The following VDAC2 variants were observed in gnomAD, a reference collection of about 807,000 sequenced individuals.
VDAC2 encodes the protein non-selective voltage-gated ion channel VDAC2.
A neutral mutation model predicts 36.6 loss-of-function variants in VDAC2; 6 were observed. The ratio of observed to expected loss-of-function variants is 0.16; its 90% CI spans 0.09 to 0.32. The LOEUF (loss-of-function observed/expected upper bound fraction) is 0.32. Ranked by LOEUF, VDAC2 falls within the 10% of genes least tolerant of loss-of-function variation. The probability of loss-of-function intolerance (pLI) is 1.00; values close to 1 mark genes in which losing one functional copy is unlikely to be tolerated. For missense variants in VDAC2, 247 were observed against 346.0 expected (o/e 0.71, Z 2.27); for synonymous variants, 109 against 123.8 (o/e 0.88, Z 0.79).
chr10:75,215,721 GTT>G (rs796837971), intron 4 of VDAC2, among the ~76,000 whole-genome samples: 1 of 135,860 alleles, frequency 7.4e-6, no homozygotes. Context: ...TTTTTGTTTT[GTT>G]TTTTTTTTTT....
intron 8 of VDAC2, among the ~76,000 whole-genome samples, 158 bp downstream of exon 8, chr10:75,222,560 G>A (rs1841844416): frequency 6.6e-6 from 1 of 152,214 alleles, no homozygotes; most frequent in Admixed American, 6.5e-5. Context: ...GATGGATACA[G>A]TGTTAGACGT....
chr10:75,222,252 C>G lies in VDAC2; in HGVS notation c.585C>G (p.Val195=), dbSNP rs771280717. 5 of 1,612,886 alleles carry G rather than the reference C, an allele frequency of 3.1e-6. No homozygotes were observed. The change falls in exon 8 of 10, where the codon GTC becomes GTG. Residue 195 remains valine (V), a splice_region_variant and synonymous_variant. Transcript: ENST00000332211. ...RTGDFQLHTN[V]NDGTEFGGSI... is the part of the protein sequence containing the mutation. ...TCTACTAATTTAAAATATCTTATAG[C>G]AATGATGGGACAGAATTTGGAGGAT... is the stretch of plus-strand genomic sequence containing the variant.
chr10:75,218,084 G>A, intron 4 of VDAC2: 1 of 337,712 alleles, frequency 3.0e-6, no homozygotes, highest in Non-Finnish European at 5.1e-6. Flanking sequence ...GCAAGATGCT[G>A]TCTCAAAAAA....
chr10:75,230,540 C>G lies in VDAC2; in HGVS notation c.794-358C>G, dbSNP rs143441350. Among the ~76,000 whole-genome samples, 1,291 of 152,188 alleles carry G rather than the reference C, an allele frequency of 8.5e-3. 20 individuals carry two copies. The highest frequency in any genetic ancestry group is 0.028 in the African/African-American group (1,160 of 41,504). Reference sequence around the variant, plus strand: ...ATACCAAATACATATTCAGATTTACCCCCGTTCCCAAATGTGTCTTTATTG... The same window carrying G: ...ATACCAAATACATATTCAGATTTACGCCCGTTCCCAAATGTGTCTTTATTG... On this transcript the variant is annotated intron_variant, in intron 9 of 9. Transcript: ENST00000332211.
intron 7 of VDAC2, among the ~76,000 whole-genome samples, chr10:75,221,912 G>GTA (rs1451394199): frequency 2.6e-5 from 4 of 152,188 alleles, no homozygotes; most frequent in Admixed American, 6.5e-5. Flanking sequence ...TGCCAGCTAG[G>GTA]TATATAATCT....
In VDAC2 at chr10:75,221,052, C is replaced by T. The variant is rs1841799419; in HGVS notation, c.584+82C>T. 1.1e-5 allele frequency: 15 copies of T among 1,368,810 alleles called. 1 individual carries two copies. In the South Asian group the frequency reaches 1.5e-4, roughly 14 times the overall value. 84.8% of individuals were successfully genotyped at this position (1,368,810 alleles called of 1,614,324 possible). A position where few individuals can be genotyped will look rare whatever the true frequency, so the allele number is the denominator to read the frequency against. On this transcript the variant is annotated intron_variant, in intron 7 of 9. Coordinates refer to ENST00000332211, the MANE Select transcript of VDAC2 (RefSeq NM_001391963.1). Reference sequence around the variant, plus strand: ...GTCTGTCATCTTATTGATCTGGGTGCACCCTAAAGGATTTCTCATAACATT... The same window carrying T: ...GTCTGTCATCTTATTGATCTGGGTGTACCCTAAAGGATTTCTCATAACATT...
chr10:75,213,529 G>C (rs904242478), intron 3 of VDAC2, among the ~76,000 whole-genome samples: 5 of 152,260 alleles, frequency 3.3e-5, no homozygotes, highest in South Asian at 2.1e-4. Context: ...CAGATCACGA[G>C]GTCAGGAGAT....
At chr10:75,217,787 T>C (rs1841651981) in intron 4 of VDAC2, 1 of 650,142 alleles carries the variant, frequency 1.5e-6, no homozygotes, top group South Asian at 1.9e-5. Flanking sequence ...GATTTGTCTC[T>C]AACAGCAGAG....
chr10:75,211,345 G>C, intron 2 of VDAC2, 156 bp downstream of exon 2: 1 of 1,387,070 alleles, frequency 7.2e-7, no homozygotes. Flanking sequence ...CTGCGGAGGA[G>C]GGGCTGGGCT....
At chr10:75,225,549 A>T (rs1841929227) in intron 8 of VDAC2, among the ~76,000 whole-genome samples, 1 of 152,204 alleles carries the variant, frequency 6.6e-6, no homozygotes, top group African/African-American at 2.4e-5. Context: ...GATTCCAGGA[A>T]CATGAAGATA....
At chr10:75,212,350 T>C (rs759182847) in intron 3 of VDAC2, 52 bp downstream of exon 3, 25 of 1,506,300 alleles carry the variant, frequency 1.7e-5, no homozygotes, top group Non-Finnish European at 2.2e-5. Context: ...AATGTATGTT[T>C]GGGTTGCTTA....
chr10:75,218,011 C>G (rs1841659360), intron 4 of VDAC2: 1 of 1,167,174 alleles, frequency 8.6e-7, no homozygotes, highest in Non-Finnish European at 1.1e-6. Context: ...TCACTTGAGC[C>G]TGGGAGGTTG....
At position 75,227,577 on chromosome 10, in the gene VDAC2, A is replaced by ATTTTTTTTTTTTTTT. The variant is rs35378957; in HGVS notation, c.736-2060_736-2046dup. 1.8e-3 allele frequency among the ~76,000 whole-genome samples: 177 copies of ATTTTTTTTTTTTTTT among 99,906 alleles called. 20 individuals carry two copies. Among genetic ancestry groups the ATTTTTTTTTTTTTTT allele is most frequent in the African/African-American group, 7.7e-3 (170 of 22,212 alleles). The allele number at this position is 99,906 out of a possible 152,430, so 65.5% of individuals were successfully genotyped here. A position where few individuals can be genotyped will look rare whatever the true frequency, so the allele number is the denominator to read the frequency against. Reference sequence around the variant, plus strand: ...TAACTCTTACTGTTAAATAATAGGAATTTTTTTTTTTTTTTTTTTTTGGAG... The same window carrying ATTTTTTTTTTTTTTT: ...TAACTCTTACTGTTAAATAATAGGAATTTTTTTTTTTTTTTTTTTTTTTTTTTTTTTTTTTTGGAG... On this transcript the variant is annotated intron_variant, in intron 8 of 9. Coordinates refer to ENST00000332211, the MANE Select transcript of VDAC2 (RefSeq NM_001391963.1).
At chr10:75,214,998 C>T (rs968354774) in intron 4 of VDAC2, among the ~76,000 whole-genome samples, 10 of 152,050 alleles carry the variant, frequency 6.6e-5, no homozygotes, top group African/African-American at 9.7e-5. Context: ...ACTGCAGCCT[C>T]GACCTCTTGG....
intron 4 of VDAC2, chr10:75,218,365 G>T (rs1344234883): frequency 6.6e-6 from 1 of 152,224 alleles, no homozygotes; most frequent in Non-Finnish European, 1.5e-5. Flanking sequence ...ATGTTGCCCA[G>T]GCTGGTATCT....
intron 6 of VDAC2, among the ~76,000 whole-genome samples, chr10:75,220,050 ACTC>A: frequency 6.8e-6 from 1 of 147,656 alleles, no homozygotes; most frequent in African/African-American, 2.5e-5. Flanking sequence ...CTGGTCTTGA[ACTC>A]CTGACCTCGT....
intron 6 of VDAC2, 73 bp from the exon 7 acceptor site, chr10:75,220,670 G>A (rs1841785238): frequency 7.5e-7 from 1 of 1,324,976 alleles, no homozygotes; most frequent in Non-Finnish European, 1.1e-6. Flanking sequence ...GTTTATTTAA[G>A]TCTGTTTTGT....
chr10:75,215,306 A>G (rs959809514), intron 4 of VDAC2, among the ~76,000 whole-genome samples: 42 of 151,810 alleles, frequency 2.8e-4, no homozygotes, highest in African/African-American at 9.9e-4. Flanking sequence ...TTAGAATACT[A>G]TAGGTTATTT....
At chr10:75,211,069 C>T (rs1452866071) in intron 1 of VDAC2, 65 bp from the exon 2 acceptor site, 5 of 1,463,180 alleles carry the variant, frequency 3.4e-6, no homozygotes, top group Non-Finnish European at 4.6e-6. Context: ...CCTCGCCCCT[C>T]TCTGCCCGGG....
Sources: gnomAD v4.1 joint callset for allele counts (sites outside exome capture counted in the v4.1 genomes callset) on GRCh38, gnomAD v4.1.1 for gene constraint, MANE v1.5 for transcripts, NCBI Gene and HGNC (gene_info 2026-07-23, HGNC 2026-07-21) for gene names.